Variants in ARIH1 observed in about 807,000 individuals in gnomAD.
ARIH1 encodes the protein ariadne RBR E3 ubiquitin protein ligase 1, also known as E3 ubiquitin-protein ligase ARIH1.
A neutral mutation model predicts 85.0 loss-of-function variants in ARIH1; 8 were observed. That is an observed-to-expected ratio of 0.09 (90% CI 0.06 to 0.17). ARIH1 has a LOEUF of 0.17. Ranked by LOEUF, ARIH1 falls within the 10% of genes least tolerant of loss-of-function variation. The pLI is 1.00. For synonymous variants in ARIH1, 238 were observed against 253.6 expected (o/e 0.94, Z 0.59); for missense variants, 311 against 718.1 (o/e 0.43, Z 6.48).
intron 1 of ARIH1, among the ~76,000 whole-genome samples, chr15:72,502,446 T>G (rs1441961732): frequency 6.6e-6 from 1 of 152,232 alleles, no homozygotes; most frequent in East Asian, 1.9e-4. Context: ...AATTGTTATG[T>G]ATTTATAGGA....
intron 2 of ARIH1, among the ~76,000 whole-genome samples, chr15:72,532,496 C>G (rs1379451755): frequency 6.6e-6 from 1 of 152,118 alleles, no homozygotes; most frequent in Non-Finnish European, 1.5e-5. Context: ...TCTACCATAA[C>G]ATTTAATATG....
intron 7 of ARIH1, among the ~76,000 whole-genome samples, chr15:72,565,614 G>C (rs2064216096): frequency 6.6e-6 from 1 of 152,086 alleles, no homozygotes; most frequent in Non-Finnish European, 1.5e-5. Context: ...AGAAAAGGTG[G>C]ATAATACCTA....
At chr15:72,535,445 A>G (rs1170225772) in intron 2 of ARIH1, among the ~76,000 whole-genome samples, 1 of 152,200 alleles carries the variant, frequency 6.6e-6, no homozygotes, top group East Asian at 1.9e-4. Context: ...TAGTTGCTGA[A>G]TAGGTGAGGG....
intron 1 of ARIH1, among the ~76,000 whole-genome samples, chr15:72,489,712 C>T (rs550551166): frequency 6.6e-6 from 1 of 152,162 alleles, no homozygotes; most frequent in Non-Finnish European, 1.5e-5. Context: ...TGGACCTACC[C>T]TGGGCAGGTT....
chr15:72,564,831 A>G (rs1426651476), intron 7 of ARIH1, among the ~76,000 whole-genome samples: 1 of 151,946 alleles, frequency 6.6e-6, no homozygotes, highest in Non-Finnish European at 1.5e-5. Flanking sequence ...GGAAAGGACA[A>G]GGCAGCTCTC....
chr15:72,583,165 A>T (rs565440113), intron 13 of ARIH1, 43 bp from the exon 14 acceptor site: 5 of 1,466,196 alleles, frequency 3.4e-6, no homozygotes, highest in Non-Finnish European at 4.7e-6. Flanking sequence ...TTTTATTATT[A>T]GAGGCTGACA....
intron 1 of ARIH1, 29 bp downstream of exon 1, chr15:72,475,043 C>T (rs1422764622): frequency 1.4e-5 from 21 of 1,546,568 alleles, no homozygotes; most frequent in Admixed American, 2.0e-5. Flanking sequence ...CCAGCTGGAC[C>T]GGGCCCGACG....
intron 1 of ARIH1, among the ~76,000 whole-genome samples, chr15:72,512,307 C>T (rs976300302): frequency 6.6e-5 from 10 of 151,856 alleles, no homozygotes; most frequent in Middle Eastern, 3.4e-3. Context: ...TAATTACATA[C>T]TCAGTTTGCT....
intron 3 of ARIH1, among the ~76,000 whole-genome samples, chr15:72,553,344 G>A (rs557806848): frequency 6.6e-6 from 1 of 152,220 alleles, no homozygotes; most frequent in East Asian, 1.9e-4. Context: ...TTAGAACAAA[G>A]TGTTAGTTAC....
chr15:72,529,076 C>T (rs1056066395), intron 2 of ARIH1, among the ~76,000 whole-genome samples: 8 of 151,198 alleles, frequency 5.3e-5, no homozygotes, highest in African/African-American at 4.9e-5. Flanking sequence ...GATGGGCTCA[C>T]GTAGTCCCAG....
intron 1 of ARIH1, among the ~76,000 whole-genome samples, chr15:72,489,246 T>TTAA (rs1180332954): frequency 6.1e-5 from 1 of 16,442 alleles, no homozygotes. Context: ...AGACCATGTC[T>TTAA]CAAAAAAAAA....
chr15:72,581,363 G>T, intron 12 of ARIH1: 1 of 175,898 alleles, frequency 5.7e-6, no homozygotes, highest in South Asian at 1.4e-4. Context: ...TGTGTTTTAT[G>T]TGAGACAATT....
intron 1 of ARIH1, among the ~76,000 whole-genome samples, chr15:72,504,317 A>G (rs1368325117): frequency 6.6e-6 from 1 of 152,132 alleles, no homozygotes; most frequent in Admixed American, 6.5e-5. Context: ...AGCCTCCCAG[A>G]GTACTGGGAT....
intron 2 of ARIH1, among the ~76,000 whole-genome samples, chr15:72,536,257 A>T (rs1375825457): frequency 6.6e-6 from 1 of 152,168 alleles, no homozygotes; most frequent in Non-Finnish European, 1.5e-5. Flanking sequence ...TTTTATTTTT[A>T]TCTTTTAAAT....
At chr15:72,490,271 A>T (rs972262068) in intron 1 of ARIH1, among the ~76,000 whole-genome samples, 1 of 151,312 alleles carries the variant, frequency 6.6e-6, no homozygotes, top group Non-Finnish European at 1.5e-5. Context: ...TCCTTCTCTT[A>T]CAAGTTAGTC....
chr15:72,550,666 C>G (rs1053132831), intron 3 of ARIH1, among the ~76,000 whole-genome samples: 4 of 151,966 alleles, frequency 2.6e-5, no homozygotes, highest in African/African-American at 9.7e-5. Context: ...GACTGATACA[C>G]TTCATATATA....
intron 2 of ARIH1, among the ~76,000 whole-genome samples, chr15:72,534,970 T>G (rs1184257918): frequency 2.6e-5 from 3 of 114,622 alleles, no homozygotes; most frequent in East Asian, 5.9e-4. Context: ...TTTTTTTTTT[T>G]GAGACGGAGT....
chr15:72,484,030 G>A (rs1226060894), intron 1 of ARIH1, among the ~76,000 whole-genome samples: 2 of 151,744 alleles, frequency 1.3e-5, no homozygotes, highest in African/African-American at 4.8e-5. Flanking sequence ...AAAATTAGCC[G>A]GGCATGGTGG....
In ARIH1 at chr15:72,566,402, G is replaced by A. The variant is rs988554609; in HGVS notation, c.912-161G>A. ...TGCTAGTTCTACTACTAAATTCTAG[G>A]TAATTAACTGTAAAGCAGACATGGG... On this transcript the variant is annotated intron_variant, in intron 7 of 13. Transcript: ENST00000379887. 3 of 641,500 alleles carry A rather than the reference G, an allele frequency of 4.7e-6. No individual in the cohort carries two copies. The East Asian group carries it at 8.4e-5, about 18-fold the overall frequency. 39.7% of individuals were successfully genotyped at this position (641,500 alleles called of 1,614,324 possible). A position where few individuals can be genotyped will look rare whatever the true frequency, so the allele number is the denominator to read the frequency against.
Sources: gnomAD v4.1 joint callset for allele counts (sites outside exome capture counted in the v4.1 genomes callset) on GRCh38, gnomAD v4.1.1 for gene constraint, MANE v1.5 for transcripts, NCBI Gene and HGNC (gene_info 2026-07-23, HGNC 2026-07-21) for gene names.